FALEC: variants seen among roughly 807,000 people sequenced by gnomAD.
The protein encoded by FALEC is focally amplified lncRNA regulator of ECM1.
At chr1:150,533,118 C>G in the FALEC span, among the ~76,000 whole-genome samples, 1 of 152,208 alleles carries the variant, frequency 6.6e-6, no homozygotes, top group African/African-American at 2.4e-5. Context: ...GCATGAAGGG[C>G]CTTCTTGGCC....
At chr1:150,516,842 T>C (rs936088166) in intron 1 of FALEC, among the ~76,000 whole-genome samples, 7 of 152,202 alleles carry the variant, frequency 4.6e-5, no homozygotes, top group African/African-American at 1.7e-4. Flanking sequence ...AAAAGTACTC[T>C]GGCTATAACG....
chr1:150,517,172 C>T (rs1021923204), intron 1 of FALEC, among the ~76,000 whole-genome samples: 1 of 151,968 alleles, frequency 6.6e-6, no homozygotes, highest in African/African-American at 2.4e-5. Flanking sequence ...TGGCGCATGC[C>T]TCTAATCCCA....
chr1:150,528,646 A>G, the FALEC span, among the ~76,000 whole-genome samples: 5 of 150,942 alleles, frequency 3.3e-5, no homozygotes, highest in East Asian at 9.7e-4. Context: ...CAGTGGTGCA[A>G]TCTCGGTTCA....
downstream of FALEC, among the ~76,000 whole-genome samples, chr1:150,522,560 T>C (rs1670657508): frequency 6.6e-6 from 1 of 151,016 alleles, no homozygotes; most frequent in African/African-American, 2.4e-5. Context: ...GAGGGGGTGG[T>C]TGCCATGAGC....
downstream of FALEC, among the ~76,000 whole-genome samples, chr1:150,519,921 G>C (rs1405088713): frequency 6.6e-6 from 1 of 152,076 alleles, no homozygotes; most frequent in Non-Finnish European, 1.5e-5. Flanking sequence ...GGGAGGCCGA[G>C]GCAGACGGAT....
downstream of FALEC, among the ~76,000 whole-genome samples, chr1:150,521,358 C>G (rs971257107): frequency 1.3e-5 from 2 of 152,294 alleles, no homozygotes; most frequent in Admixed American, 6.5e-5. Context: ...TCCACTTGTT[C>G]TACACCCTCT....
the FALEC span, among the ~76,000 whole-genome samples, chr1:150,534,033 G>C: frequency 2.6e-5 from 4 of 152,160 alleles, no homozygotes; most frequent in African/African-American, 7.2e-5. Context: ...CTGAAGTCTC[G>C]GCATGGCAGG....
At chr1:150,525,894 G>A in the FALEC span, among the ~76,000 whole-genome samples, 221 of 152,106 alleles carry the variant, frequency 1.5e-3, 2 homozygotes, top group African/African-American at 4.9e-3. Context: ...CTCCCATTTC[G>A]GCCTCCCAAA....
chr1:150,534,945 C>T, the FALEC span, among the ~76,000 whole-genome samples: 11 of 152,148 alleles, frequency 7.2e-5, no homozygotes, highest in East Asian at 1.5e-3. Context: ...TCAGGACCCA[C>T]CTGTTCTCAG....
the FALEC span, among the ~76,000 whole-genome samples, chr1:150,534,908 C>A: frequency 6.6e-6 from 1 of 152,100 alleles, no homozygotes; most frequent in Non-Finnish European, 1.5e-5. Flanking sequence ...GACTTTGCCT[C>A]CCCACAAATA....
the FALEC span, among the ~76,000 whole-genome samples, chr1:150,523,248 C>T: frequency 6.7e-6 from 1 of 149,060 alleles, no homozygotes; most frequent in East Asian, 2.0e-4. Context: ...CCACCGCAGC[C>T]TCCCAAAGTG....
At chr1:150,527,795 A>G in the FALEC span, among the ~76,000 whole-genome samples, 1 of 152,122 alleles carries the variant, frequency 6.6e-6, no homozygotes, top group African/African-American at 2.4e-5. Flanking sequence ...GGTTTCAGTG[A>G]GCCAAGATCG....
the FALEC span, among the ~76,000 whole-genome samples, chr1:150,535,156 C>T: frequency 6.6e-6 from 1 of 152,178 alleles, no homozygotes; most frequent in African/African-American, 2.4e-5. Flanking sequence ...CCTCCTGAGG[C>T]CTTCGAAATG....
the FALEC span, among the ~76,000 whole-genome samples, chr1:150,536,579 C>T: frequency 2.1e-4 from 32 of 152,294 alleles, no homozygotes; most frequent in South Asian, 3.5e-3. Context: ...ATCACTGGAG[C>T]TCCCTCAAGA....
chr1:150,520,894 C>T (rs1490262851), downstream of FALEC, among the ~76,000 whole-genome samples: 2 of 148,126 alleles, frequency 1.4e-5, no homozygotes, highest in Non-Finnish European at 3.0e-5. Context: ...ACTGCAACCT[C>T]CGCCTCCTGG....
At chr1:150,523,516 A>G in the FALEC span, among the ~76,000 whole-genome samples, 1 of 151,214 alleles carries the variant, frequency 6.6e-6, no homozygotes, top group East Asian at 2.0e-4. Flanking sequence ...TTAGCCATGC[A>G]TGGTGTGCAT....
chr1:150,534,561 T>C, the FALEC span, among the ~76,000 whole-genome samples: 21 of 152,126 alleles, frequency 1.4e-4, no homozygotes, highest in East Asian at 4.1e-3. Context: ...ATGTGCTCTC[T>C]AGCCTGGCAC....
At chr1:150,529,691 G>A in the FALEC span, among the ~76,000 whole-genome samples, 6 of 151,784 alleles carry the variant, frequency 4.0e-5, no homozygotes, top group East Asian at 5.8e-4. Flanking sequence ...TCCGCCTCCC[G>A]GGTTCACGCC....
chr1:150,523,519 G>T, the FALEC span, among the ~76,000 whole-genome samples: 2 of 151,208 alleles, frequency 1.3e-5, no homozygotes, highest in East Asian at 4.0e-4. Context: ...GCCATGCATG[G>T]TGTGCATGCC....
Sources: allele counts gnomAD v4.1 joint callset (sites outside exome capture counted in the v4.1 genomes callset), GRCh38; gene constraint gnomAD v4.1.1; transcripts MANE v1.5; gene names NCBI Gene and HGNC (gene_info 2026-07-23, HGNC 2026-07-21).